HIVEP1: variants seen among roughly 807,000 people sequenced by gnomAD.
HIVEP1 encodes the protein zinc finger protein 40.
HIVEP1 carries 36 observed loss-of-function variants against 180.0 expected under a neutral mutation model. The ratio of observed to expected loss-of-function variants is 0.20; its 90% CI spans 0.15 to 0.26. HIVEP1 has a LOEUF of 0.26. Ranked by LOEUF, HIVEP1 falls within the 10% of genes least tolerant of loss-of-function variation. HIVEP1 has a pLI of 1.00. For missense variants in HIVEP1, 3,143 were observed against 3,268.7 expected (o/e 0.96, Z 0.94); for synonymous variants, 1,239 against 1,239.0 (o/e 1.00, Z 0.00).
intron 2 of HIVEP1, among the ~76,000 whole-genome samples, chr6:12,069,237 G>A (rs1443665794): frequency 1.3e-5 from 2 of 152,142 alleles, no homozygotes; most frequent in African/African-American, 4.8e-5. Flanking sequence ...GAATACTGTA[G>A]GCAATTACAG....
At chr6:12,211,299 C>A in the HIVEP1 span, among the ~76,000 whole-genome samples, 1 of 94,000 alleles carries the variant, frequency 1.1e-5, no homozygotes, top group African/African-American at 5.2e-5. Context: ...ACTCCGGAGG[C>A]TGAGGCAGGA....
At chr6:12,065,974 G>A (rs974752779) in intron 2 of HIVEP1, among the ~76,000 whole-genome samples, 3 of 152,052 alleles carry the variant, frequency 2.0e-5, no homozygotes, top group Admixed American at 6.6e-5. Flanking sequence ...GCGAGGGTGC[G>A]GCTGTGAGTA....
At chr6:12,035,033 A>G (rs1338925373) in intron 2 of HIVEP1, among the ~76,000 whole-genome samples, 1 of 152,230 alleles carries the variant, frequency 6.6e-6, no homozygotes, top group Admixed American at 6.5e-5. Flanking sequence ...ATGAAGAGCT[A>G]CTGACACCTC....
chr6:12,042,997 T>G lies in HIVEP1; in HGVS notation c.40+27329T>G, dbSNP rs1396794882. ...TACAAATAAAGCCGATTTCTCAGTG[T>G]TGTTTACTAAATGAAGAATCTTTTC... On this transcript the variant is annotated intron_variant, in intron 2 of 8. Coordinates refer to ENST00000379388, the MANE Select transcript of HIVEP1 (RefSeq NM_002114.4). Among the ~76,000 whole-genome samples the G allele has an allele frequency of 2.6e-5, 4 of 152,330 alleles. No homozygotes were observed. In the South Asian group the frequency reaches 6.2e-4, roughly 24 times the overall value.
intron 2 of HIVEP1, among the ~76,000 whole-genome samples, chr6:12,070,042 C>A (rs1023411063): frequency 3.3e-5 from 5 of 152,094 alleles, no homozygotes; most frequent in Non-Finnish European, 7.4e-5. Context: ...ACATCTTGTC[C>A]CACGGAAGGT....
At chr6:12,054,905 A>G (rs925677754) in intron 2 of HIVEP1, among the ~76,000 whole-genome samples, 5 of 152,302 alleles carry the variant, frequency 3.3e-5, no homozygotes, top group Admixed American at 2.0e-4. Context: ...TTAAATACCC[A>G]TTTTAGAAAG....
chr6:12,210,469 T>G, the HIVEP1 span, among the ~76,000 whole-genome samples: 1 of 151,818 alleles, frequency 6.6e-6, no homozygotes, highest in Non-Finnish European at 1.5e-5. Flanking sequence ...GTTAGAGTAG[T>G]TTAAAGTTGC....
the HIVEP1 span, among the ~76,000 whole-genome samples, chr6:12,178,169 A>G: frequency 6.6e-6 from 1 of 152,246 alleles, no homozygotes. Flanking sequence ...GTTTAAAATA[A>G]AAACTAAATT....
At chr6:12,030,499 T>A (rs915086896) in intron 2 of HIVEP1, among the ~76,000 whole-genome samples, 2 of 152,210 alleles carry the variant, frequency 1.3e-5, no homozygotes, top group Non-Finnish European at 2.9e-5. Flanking sequence ...ATACTTTTCA[T>A]TGAGCTATCT....
chr6:12,108,533 C>T (rs190049636), intron 3 of HIVEP1, among the ~76,000 whole-genome samples: 37 of 152,322 alleles, frequency 2.4e-4, no homozygotes, highest in African/African-American at 6.7e-4. Context: ...AGCCCTGCCC[C>T]GCAGGAAGGC....
chr6:12,194,526 C>T, the HIVEP1 span, among the ~76,000 whole-genome samples: 61 of 152,246 alleles, frequency 4.0e-4, no homozygotes, highest in African/African-American at 1.4e-3. Context: ...ACAGGCCGGA[C>T]GCGGTGGCTC....
intron 2 of HIVEP1, among the ~76,000 whole-genome samples, chr6:12,017,293 T>C (rs1488766599): frequency 2.0e-5 from 3 of 152,060 alleles, no homozygotes; most frequent in Non-Finnish European, 1.5e-5. Flanking sequence ...TCGCCGTGAG[T>C]GTTATAGCTC....
chr6:12,079,083 C>G (rs1052518115), intron 2 of HIVEP1, among the ~76,000 whole-genome samples: 5 of 152,084 alleles, frequency 3.3e-5, no homozygotes, highest in Non-Finnish European at 5.9e-5. Context: ...TCCTTCCATT[C>G]GCTACATCAG....
At chr6:12,060,856 G>A (rs1299502385) in intron 2 of HIVEP1, among the ~76,000 whole-genome samples, 2 of 152,292 alleles carry the variant, frequency 1.3e-5, no homozygotes, top group East Asian at 3.9e-4. Flanking sequence ...ACTTTAAGAA[G>A]GAAATTAAGT....
the HIVEP1 span, among the ~76,000 whole-genome samples, chr6:12,190,559 CTCTT>C: frequency 1.3e-3 from 199 of 152,310 alleles, 1 homozygote; most frequent in African/African-American, 4.6e-3. Context: ...CGGGCTCCCT[CTCTT>C]TCTTATTCTT....
intron 7 of HIVEP1, among the ~76,000 whole-genome samples, chr6:12,156,177 AT>A (rs201048166): frequency 0.019 from 2,887 of 152,000 alleles, 93 homozygotes; most frequent in African/African-American, 0.067. Context: ...GATTGTGAAA[AT>A]TTTCTCCCAT....
At position 12,121,787 on chromosome 6, in the gene HIVEP1, T is replaced by G; in HGVS notation, c.1992T>G (p.Ser664Arg). Residue 664 changes from serine to arginine, a missense_variant, in exon 4 of 9, where the codon AGT becomes AGG. Ser to Arg is a moderately radical substitution (Grantham distance 110). Around this residue, in one of 12 missense-constraint regions of HIVEP1, gnomAD observed 365 missense variants for 344.4 expected, o/e 1.06. Transcript: ENST00000379388. This position sits in a 1 kb window ranked among gnomAD's most constrained non-coding sequence, Gnocchi z 5.3. ...YSQEQQGKLLSPRSLGSTDSG... is the reference protein window; with the variant it reads ...YSQEQQGKLLRPRSLGSTDSG... ...AAGAGCAGCAAGGAAAGCTCCTGAGTCCTCGAAGTTTAGGAAGTACGGATT... is the reference window on the plus strand; with the variant it reads ...AAGAGCAGCAAGGAAAGCTCCTGAGGCCTCGAAGTTTAGGAAGTACGGATT... 6.2e-7 allele frequency: 1 copy of G among 1,614,054 alleles called. No individual in the cohort carries two copies. The highest frequency in any genetic ancestry group is 8.5e-7 in the Non-Finnish European group (1 of 1,179,992).
intron 1 of HIVEP1, among the ~76,000 whole-genome samples, chr6:12,014,666 G>A (rs1324729658): frequency 6.6e-6 from 1 of 152,218 alleles, no homozygotes; most frequent in African/African-American, 2.4e-5. Context: ...GAATCTTGTG[G>A]AAGAGCCTGA....
intron 2 of HIVEP1, among the ~76,000 whole-genome samples, chr6:12,019,593 G>A (rs1463637713): frequency 6.6e-6 from 1 of 152,174 alleles, no homozygotes; most frequent in Non-Finnish European, 1.5e-5. Flanking sequence ...GGAGCTTTCA[G>A]GAAACCCATC....
Sources: gnomAD v4.1 joint callset for allele counts (sites outside exome capture counted in the v4.1 genomes callset) on GRCh38, gnomAD v4.1.1 for gene constraint, gnomAD v4.1.1 regional missense constraint, Gnocchi (gnomAD v3.1) non-coding constraint, MANE v1.5 for transcripts, NCBI Gene and HGNC (gene_info 2026-07-23, HGNC 2026-07-21) for gene names.